MARCHF5: variants seen among roughly 807,000 people sequenced by gnomAD.
The protein encoded by MARCHF5 is membrane associated ring-CH-type finger 5.
Under a neutral mutation model 36.5 loss-of-function variants are expected in MARCHF5, and 5 were observed. That is an observed-to-expected ratio of 0.14 (90% CI 0.07 to 0.29). The LOEUF is 0.29. Among genes scored for constraint, MARCHF5 ranks in the 10% least tolerant of loss-of-function variants. MARCHF5 has a pLI of 1.00. For missense variants in MARCHF5, 179 were observed against 336.3 expected (o/e 0.53, Z 3.66); for synonymous variants, 103 against 109.9 (o/e 0.94, Z 0.39).
At chr10:92,315,322 C>T (rs543353376) in intron 2 of MARCHF5, among the ~76,000 whole-genome samples, 1 of 152,302 alleles carries the variant, frequency 6.6e-6, no homozygotes, top group South Asian at 2.1e-4. Context: ...CACGTAATGT[C>T]CGATAGTGTC....
chr10:92,295,481 C>G (rs1024068142), intron 1 of MARCHF5, among the ~76,000 whole-genome samples: 9 of 147,988 alleles, frequency 6.1e-5, no homozygotes, highest in Non-Finnish European at 1.3e-4. Context: ...AATCTTGGCT[C>G]GCTGCAAACT....
At chr10:92,337,802 T>C (rs1339293729) in intron 2 of MARCHF5, among the ~76,000 whole-genome samples, 1 of 151,886 alleles carries the variant, frequency 6.6e-6, no homozygotes, top group East Asian at 1.9e-4. Flanking sequence ...TGACTTCAGA[T>C]GGGTGGAATA....
In MARCHF5 at chr10:92,346,337, C is replaced by T. The variant is rs560075743; in HGVS notation, c.370-3012C>T. Among the ~76,000 whole-genome samples the T allele has an allele frequency of 1.8e-3, 273 of 152,204 alleles. 1 individual carries two copies. Among genetic ancestry groups the T allele is most frequent in the African/African-American group, 6.4e-3 (265 of 41,544 alleles). On this transcript the variant is annotated intron_variant, in intron 3 of 5. Coordinates refer to ENST00000358935, the MANE Select transcript of MARCHF5 (RefSeq NM_017824.5). The stretch of plus-strand genomic sequence containing the variant: ...TCTGTTTAACCTGCCATTTTAGCCC[C>T]AGCACAAAATCATTATTCAGTGAAT...
chr10:92,307,997 G>A (rs1843096548), intron 1 of MARCHF5, among the ~76,000 whole-genome samples: 1 of 150,532 alleles, frequency 6.6e-6, no homozygotes, highest in Non-Finnish European at 1.5e-5. Flanking sequence ...CTGGAGTGCA[G>A]TGGCACGATC....
intron 2 of MARCHF5, among the ~76,000 whole-genome samples, chr10:92,327,363 A>C (rs1222039468): frequency 6.6e-6 from 1 of 151,712 alleles, no homozygotes; most frequent in African/African-American, 2.4e-5. Flanking sequence ...AAAAAAAAAA[A>C]CTGTGTTCAT....
chr10:92,307,316 T>G (rs527664184), intron 1 of MARCHF5, among the ~76,000 whole-genome samples: 32 of 152,238 alleles, frequency 2.1e-4, no homozygotes, highest in African/African-American at 7.5e-4. Context: ...GTGTGACCAT[T>G]TTTACATGCT....
At chr10:92,314,344 TA>T (rs754612929) in intron 2 of MARCHF5, among the ~76,000 whole-genome samples, 60 of 151,694 alleles carry the variant, frequency 4.0e-4, no homozygotes, top group Admixed American at 2.0e-3. Context: ...ATCAGTGTTA[TA>T]AAAAAAAATG....
At position 92,321,443 on chromosome 10, in the gene MARCHF5, G is replaced by A. The variant is rs1843287720; in HGVS notation, c.238+10106G>A. Among the ~76,000 whole-genome samples, 5 of 152,016 alleles carry A rather than the reference G, an allele frequency of 3.3e-5. No homozygotes were observed. In the South Asian group the frequency reaches 1.0e-3, roughly 32 times the overall value. On this transcript the variant is annotated intron_variant, in intron 2 of 5. Transcript: ENST00000358935. ...CATATTAGACTCGCCTGGGGTTCCT[G>A]GGATAAGTTCTACTTGGTCATGTTT...
At chr10:92,329,944 C>G (rs1843416678) in intron 2 of MARCHF5, among the ~76,000 whole-genome samples, 1 of 152,164 alleles carries the variant, frequency 6.6e-6, no homozygotes. Context: ...CTCCCGGGTT[C>G]AAGCAGTTCT....
chr10:92,319,546 G>A (rs549063919), intron 2 of MARCHF5, among the ~76,000 whole-genome samples: 17 of 151,954 alleles, frequency 1.1e-4, no homozygotes, highest in East Asian at 3.9e-4. Context: ...TGCCTGTCTC[G>A]GCCTCCCAAA....
At chr10:92,348,186 A>G (rs1468975302) in intron 3 of MARCHF5, among the ~76,000 whole-genome samples, 2 of 61,888 alleles carry the variant, frequency 3.2e-5, no homozygotes, top group Admixed American at 1.5e-4. Flanking sequence ...ATTCCGTCTC[A>G]AAAAAAAAAA....
intron 3 of MARCHF5, among the ~76,000 whole-genome samples, chr10:92,343,609 G>A (rs916339668): frequency 3.9e-5 from 6 of 152,124 alleles, no homozygotes; most frequent in African/African-American, 7.2e-5. Context: ...CGCTCTTGTT[G>A]TCCAGGCTGG....
intron 2 of MARCHF5, among the ~76,000 whole-genome samples, chr10:92,317,348 C>T (rs1843224777): frequency 6.6e-6 from 1 of 152,174 alleles, no homozygotes; most frequent in Non-Finnish European, 1.5e-5. Context: ...ATCCACCCAC[C>T]TTGGCCTCCC....
rs561830776 is a variant in MARCHF5, at chr10:92,305,268, G to A, written c.36-5867G>A. On this transcript the variant is annotated intron_variant, in intron 1 of 5. Coordinates refer to ENST00000358935, the MANE Select transcript of MARCHF5 (RefSeq NM_017824.5). ...TGAAAATACAAAAAATTAGCCAGACGTGGTGGCACGTGCCTGTAGTCCCAG... is the reference window on the plus strand; with the variant it reads ...TGAAAATACAAAAAATTAGCCAGACATGGTGGCACGTGCCTGTAGTCCCAG... Among the ~76,000 whole-genome samples, 8 of 152,122 alleles carry A rather than the reference G, an allele frequency of 5.3e-5. No individual in the cohort carries two copies. The Middle Eastern group carries it at 0.01, about 194-fold the overall frequency.
intron 2 of MARCHF5, among the ~76,000 whole-genome samples, chr10:92,324,917 G>C (rs1016559450): frequency 3.3e-5 from 5 of 151,986 alleles, no homozygotes; most frequent in African/African-American, 1.2e-4. Context: ...TTATCCTGGA[G>C]AATGTTCCAT....
At chr10:92,307,429 A>G (rs1564944270) in intron 1 of MARCHF5, among the ~76,000 whole-genome samples, 1 of 152,122 alleles carries the variant, frequency 6.6e-6, no homozygotes, top group East Asian at 1.9e-4. Flanking sequence ...CAGTTAATAA[A>G]TTCTTTAGAA....
rs1843733576 is a variant in MARCHF5 at position 92,352,689 on chromosome 10, A to C, written c.*1482A>C. The C allele has an allele frequency of 6.6e-6, 1 of 152,602 alleles. No homozygotes were observed. Among genetic ancestry groups the C allele is most frequent in the Admixed American group, 6.5e-5 (1 of 15,276 alleles). 9.5% of individuals were successfully genotyped at this position (152,602 alleles called of 1,614,324 possible). A position where few individuals can be genotyped will look rare whatever the true frequency, so the allele number is the denominator to read the frequency against. The stretch of plus-strand genomic sequence containing the variant: ...TGCAATAATATATGTTAACTTTAGT[A>C]ATTAAAGACTGGTTTCTATAGTATG... On this transcript the variant is annotated 3_prime_UTR_variant, in exon 6 of 6. Transcript: ENST00000358935.
intron 2 of MARCHF5, among the ~76,000 whole-genome samples, chr10:92,318,452 G>A (rs975218053): frequency 6.6e-6 from 1 of 151,172 alleles, no homozygotes; most frequent in Non-Finnish European, 1.5e-5. Flanking sequence ...AATGGCTAGG[G>A]GCCCACAACT....
intron 1 of MARCHF5, among the ~76,000 whole-genome samples, chr10:92,303,546 T>G (rs1843040985): frequency 6.6e-6 from 1 of 152,206 alleles, no homozygotes; most frequent in Non-Finnish European, 1.5e-5. Flanking sequence ...GATCCTCGTA[T>G]GCATGTTTGT....
Sources: allele counts gnomAD v4.1 joint callset (sites outside exome capture counted in the v4.1 genomes callset), GRCh38; gene constraint gnomAD v4.1.1; transcripts MANE v1.5; gene names NCBI Gene and HGNC (gene_info 2026-07-23, HGNC 2026-07-21).